BNC2: variants seen among roughly 807,000 people sequenced by gnomAD.
The protein encoded by BNC2 is zinc finger protein basonuclin-2.
Under a neutral mutation model 76.3 loss-of-function variants are expected in BNC2, and 20 were observed. The ratio of observed to expected loss-of-function variants is 0.26; its 90% CI spans 0.18 to 0.38. The LOEUF (loss-of-function observed/expected upper bound fraction) is 0.38, where lower values mean the gene tolerates loss of function less well. Ranked by LOEUF, BNC2 falls within the 10% of genes least tolerant of loss-of-function variation. The pLI is 1.00. For missense variants in BNC2, 1,382 were observed against 1,399.8 expected (o/e 0.99, Z 0.20); for synonymous variants, 582 against 514.8 (o/e 1.13, Z -1.77).
chr9:16,660,748 GAAAA>G (rs1234303967), intron 3 of BNC2, among the ~76,000 whole-genome samples: 1 of 147,632 alleles, frequency 6.8e-6, no homozygotes, highest in South Asian at 2.1e-4. Flanking sequence ...AAATACTCAG[GAAAA>G]AAAAATAACA....
At chr9:16,444,529 C>G (rs1311759281) in intron 5 of BNC2, among the ~76,000 whole-genome samples, 1 of 152,082 alleles carries the variant, frequency 6.6e-6, no homozygotes, top group African/African-American at 2.4e-5. Context: ...CATCTAACTT[C>G]TGGATCACCT....
chr9:16,698,288 G>GC lies in BNC2; in HGVS notation c.330+29508dup, dbSNP rs574774169. ...TTAGGAAATAAGCATACAAGGGCAAGCAAGGATGTTCATATTTAAGCACTA... is the reference window on the plus strand; with the variant it reads ...TTAGGAAATAAGCATACAAGGGCAAGCCAAGGATGTTCATATTTAAGCACTA... On this transcript the variant is annotated intron_variant, in intron 3 of 6. Transcript: ENST00000380672. 1.8e-3 allele frequency among the ~76,000 whole-genome samples: 270 copies of GC among 150,650 alleles called. 3 individuals carry two copies. Among genetic ancestry groups the GC allele is most frequent in the Admixed American group, 6.7e-3 (101 of 15,072 alleles).
chr9:16,768,155 G>A (rs182347695), intron 1 of BNC2, among the ~76,000 whole-genome samples: 33 of 151,870 alleles, frequency 2.2e-4, no homozygotes, highest in Admixed American at 6.6e-4. Context: ...TAGTAAAGTC[G>A]GGGTTTCACA....
At chr9:16,455,485 G>A (rs979037306) in intron 5 of BNC2, among the ~76,000 whole-genome samples, 3 of 152,142 alleles carry the variant, frequency 2.0e-5, no homozygotes, top group African/African-American at 4.8e-5. Context: ...GAATGGATAT[G>A]AAATGTATTT....
chr9:16,859,252 A>G (rs1819337477), intron 1 of BNC2, among the ~76,000 whole-genome samples: 2 of 152,156 alleles, frequency 1.3e-5, no homozygotes, highest in Non-Finnish European at 2.9e-5. Context: ...CACTGTTGGC[A>G]GGAATGTAAA....
At chr9:16,508,122 A>C (rs1318577331) in intron 5 of BNC2, among the ~76,000 whole-genome samples, 4 of 152,220 alleles carry the variant, frequency 2.6e-5, no homozygotes, top group Non-Finnish European at 5.9e-5. Flanking sequence ...CAGCATATAA[A>C]GTTTAAGTAC....
At chr9:16,791,402 G>C (rs1047390711) in intron 1 of BNC2, among the ~76,000 whole-genome samples, 28 of 152,106 alleles carry the variant, frequency 1.8e-4, no homozygotes, top group African/African-American at 6.0e-4. Context: ...AACTTGGACT[G>C]TGTTGAGGGA....
At chr9:16,690,885 G>A (rs1823139931) in intron 3 of BNC2, among the ~76,000 whole-genome samples, 1 of 152,182 alleles carries the variant, frequency 6.6e-6, no homozygotes, top group Non-Finnish European at 1.5e-5. Flanking sequence ...CAGGCACAAT[G>A]TCCTCACAGC....
chr9:16,456,261 G>C (rs909755213), intron 5 of BNC2, among the ~76,000 whole-genome samples: 2 of 152,082 alleles, frequency 1.3e-5, no homozygotes, highest in African/African-American at 4.8e-5. Context: ...CTTTCTTTCA[G>C]CATCTGTTTT....
intron 1 of BNC2, among the ~76,000 whole-genome samples, chr9:16,792,876 A>G (rs56201309): frequency 0.017 from 2,550 of 152,338 alleles, 69 homozygotes; most frequent in African/African-American, 0.058. Flanking sequence ...GTGGGAGCCT[A>G]ATAAGGATGT....
intron 1 of BNC2, among the ~76,000 whole-genome samples, chr9:16,752,308 T>C (rs1825242323): frequency 6.6e-6 from 1 of 152,224 alleles, no homozygotes; most frequent in Non-Finnish European, 1.5e-5. Flanking sequence ...ACTTCCTTTT[T>C]AGATAGTCCA....
chr9:16,573,038 G>C (rs1295695839), intron 4 of BNC2, among the ~76,000 whole-genome samples: 1 of 151,840 alleles, frequency 6.6e-6, no homozygotes, highest in Non-Finnish European at 1.5e-5. Context: ...GACCAGCCTG[G>C]GCAACAAGAC....
At chr9:16,754,493 G>A (rs1278339619) in intron 1 of BNC2, among the ~76,000 whole-genome samples, 1 of 151,956 alleles carries the variant, frequency 6.6e-6, no homozygotes, top group African/African-American at 2.4e-5. Flanking sequence ...CAAATGGGAG[G>A]GTCTTTCCCC....
intron 3 of BNC2, among the ~76,000 whole-genome samples, chr9:16,720,772 T>C (rs545975228): frequency 6.6e-6 from 1 of 152,344 alleles, no homozygotes; most frequent in Admixed American, 6.5e-5. Flanking sequence ...GTGTTGTTTT[T>C]CCACAAGCAT....
intron 3 of BNC2, among the ~76,000 whole-genome samples, chr9:16,658,960 C>A (rs1822014734): frequency 6.6e-6 from 1 of 152,178 alleles, no homozygotes; most frequent in African/African-American, 2.4e-5. Flanking sequence ...ATACATTACG[C>A]CGATACACAA....
chr9:16,600,886 T>C (rs1471041096), intron 3 of BNC2, among the ~76,000 whole-genome samples: 1 of 152,168 alleles, frequency 6.6e-6, no homozygotes, highest in Non-Finnish European at 1.5e-5. Flanking sequence ...TCATCTGAAA[T>C]AATAATGCAC....
intron 5 of BNC2, among the ~76,000 whole-genome samples, chr9:16,537,324 C>G (rs1407745637): frequency 6.6e-6 from 1 of 152,000 alleles, no homozygotes; most frequent in East Asian, 1.9e-4. Context: ...GCACTCGAAA[C>G]ACTATAGTAT....
chr9:16,689,118 CCACACACACACA>C (rs60237205), intron 3 of BNC2, among the ~76,000 whole-genome samples: 1 of 135,418 alleles, frequency 7.4e-6, no homozygotes, highest in South Asian at 2.4e-4. Context: ...ACACACATAA[CCACACACACACA>C]CACATACACA....
At chr9:16,670,011 C>T (rs574415669) in intron 3 of BNC2, among the ~76,000 whole-genome samples, 8 of 152,290 alleles carry the variant, frequency 5.3e-5, no homozygotes, top group Non-Finnish European at 1.2e-4. Context: ...AATTCAACTG[C>T]TTTTGTTAGA....
Sources: gnomAD v4.1 joint callset for allele counts (sites outside exome capture counted in the v4.1 genomes callset) on GRCh38, gnomAD v4.1.1 for gene constraint, MANE v1.5 for transcripts, NCBI Gene and HGNC (gene_info 2026-07-23, HGNC 2026-07-21) for gene names.